The following TRHDE variants were observed in gnomAD, a reference collection of about 807,000 sequenced individuals.
The protein encoded by TRHDE is thyrotropin-releasing hormone-degrading ectoenzyme.
Under a neutral mutation model 125.7 loss-of-function variants are expected in TRHDE, and 72 were observed. That is an observed-to-expected ratio of 0.57 (90% CI 0.47 to 0.70). TRHDE has a LOEUF of 0.70. Ranked by LOEUF, TRHDE falls within the 30% of genes least tolerant of loss-of-function variation. TRHDE has a pLI of 0.00. For missense variants in TRHDE, 1,110 were observed against 1,327.1 expected, an observed-to-expected ratio of 0.84 and a Z score of 2.54; for synonymous variants, 509 against 509.1, an observed-to-expected ratio of 1.00 and a Z score of 0.00.
intron 6 of TRHDE, among the ~76,000 whole-genome samples, chr12:72,518,654 T>G (rs1879010626): frequency 1.3e-5 from 2 of 152,000 alleles, no homozygotes; most frequent in South Asian, 2.1e-4. Context: ...CATTTAAAGT[T>G]AATATTGTTA....
rs11179247 is a variant in TRHDE at position 72,553,808 on chromosome 12, G to A, written c.1789-8357G>A. Among the ~76,000 whole-genome samples, 2,785 of 135,610 alleles carry A rather than the reference G, an allele frequency of 0.021. 280 individuals are homozygous for A. The East Asian group carries it at 0.31, about 15-fold the overall frequency. 89.0% of individuals were successfully genotyped at this position (135,610 alleles called of 152,430 possible). ...ATTTTCTTTTCTTTCCTTTCCTTTC[G>A]TCTCCTCTCCTCTCCTCTTCTCTGT... On this transcript the variant is annotated intron_variant, in intron 7 of 18. Coordinates refer to ENST00000261180, the MANE Select transcript of TRHDE (RefSeq NM_013381.3).
chr12:72,224,137 T>A (rs1592490308), intron 2 of TRHDE, among the ~76,000 whole-genome samples: 1 of 38,708 alleles, frequency 2.6e-5, no homozygotes, highest in East Asian at 4.8e-4. Context: ...TATCTATCTA[T>A]CTATTTATCT....
intron 9 of TRHDE, among the ~76,000 whole-genome samples, chr12:72,563,698 G>A (rs1870293773): frequency 6.8e-6 from 1 of 146,826 alleles, no homozygotes; most frequent in Admixed American, 7.0e-5. Flanking sequence ...TCTATTTTGT[G>A]TCTGATTAAA....
At chr12:72,399,377 C>G (rs979220523) in intron 3 of TRHDE, among the ~76,000 whole-genome samples, 2 of 152,090 alleles carry the variant, frequency 1.3e-5, no homozygotes, top group African/African-American at 4.8e-5. Context: ...AAGTACTAAC[C>G]ATTTTATCCA....
At chr12:72,302,269 T>C (rs1236337743) in intron 2 of TRHDE, among the ~76,000 whole-genome samples, 2 of 140,774 alleles carry the variant, frequency 1.4e-5, no homozygotes, top group African/African-American at 2.6e-5. Context: ...TGTGTGTGTG[T>C]GCATGTGTGT....
chr12:72,554,755 A>G (rs1869840545), intron 7 of TRHDE, among the ~76,000 whole-genome samples: 1 of 152,212 alleles, frequency 6.6e-6, no homozygotes, highest in South Asian at 2.1e-4. Flanking sequence ...AATATTTCAT[A>G]CCAGCAGCAA....
chr12:72,181,635 G>A (rs1171657803), intron 2 of TRHDE, among the ~76,000 whole-genome samples: 1 of 152,042 alleles, frequency 6.6e-6, no homozygotes, highest in Non-Finnish European at 1.5e-5. Context: ...TAGTATACTG[G>A]AGAATATTAT....
At chr12:72,530,019 A>C (rs974283969) in intron 6 of TRHDE, among the ~76,000 whole-genome samples, 2 of 151,816 alleles carry the variant, frequency 1.3e-5, no homozygotes, top group African/African-American at 2.4e-5. Context: ...TCTGTACCGG[A>C]CTCCATCCTC....
intron 4 of TRHDE, among the ~76,000 whole-genome samples, chr12:72,470,712 C>G (rs1366036419): frequency 6.6e-6 from 1 of 151,886 alleles, no homozygotes; most frequent in African/African-American, 2.4e-5. Flanking sequence ...ATTATAAAAC[C>G]CACACCTTGT....
intron 2 of TRHDE, among the ~76,000 whole-genome samples, chr12:72,240,305 T>TATATA (rs1555170388): frequency 9.0e-6 from 1 of 111,362 alleles, no homozygotes; most frequent in African/African-American, 2.7e-5. Flanking sequence ...TTCTCACATT[T>TATATA]TATATATATA....
upstream of TRHDE, among the ~76,000 whole-genome samples, chr12:72,271,583 T>C (rs1194055783): frequency 6.6e-6 from 1 of 152,144 alleles, no homozygotes; most frequent in Non-Finnish European, 1.5e-5. Flanking sequence ...AGTGCCTGCC[T>C]CTGCCGCTCA....
intron 5 of TRHDE, among the ~76,000 whole-genome samples, chr12:72,479,305 T>C (rs1165928854): frequency 6.6e-6 from 1 of 152,128 alleles, no homozygotes; most frequent in East Asian, 1.9e-4. Context: ...ATCAAGACTT[T>C]GGATTCACAG....
At chr12:72,639,409 A>T (rs1019928903) in intron 15 of TRHDE, among the ~76,000 whole-genome samples, 29 of 152,020 alleles carry the variant, frequency 1.9e-4, no homozygotes, top group African/African-American at 7.0e-4. Context: ...CATTCTTCTA[A>T]ACTTTTTTCA....
At chr12:72,585,086 C>A (rs1341919190) in intron 12 of TRHDE, among the ~76,000 whole-genome samples, 1 of 152,138 alleles carries the variant, frequency 6.6e-6, no homozygotes, top group Non-Finnish European at 1.5e-5. Context: ...CCAGTGTATA[C>A]CATGGCTGTT....
intron 1 of TRHDE, among the ~76,000 whole-genome samples, chr12:72,104,626 C>G (rs1875141355): frequency 6.6e-6 from 1 of 152,154 alleles, no homozygotes; most frequent in Non-Finnish European, 1.5e-5. Context: ...ACTTTTGTTG[C>G]TCTTCATTGG....
chr12:72,576,351 G>A (rs965876337), intron 12 of TRHDE, among the ~76,000 whole-genome samples: 2 of 152,058 alleles, frequency 1.3e-5, no homozygotes, highest in African/African-American at 2.4e-5. Flanking sequence ...TAGTAGTGCT[G>A]ATATTAACAC....
Position 72,575,309 on chromosome 12 carries a change from A to G in TRHDE, c.2186A>G (p.Asn729Ser). 1 of 1,613,622 alleles carries G rather than the reference A, an allele frequency of 6.2e-7. No individual in the cohort carries two copies. Among genetic ancestry groups the G allele is most frequent in the Non-Finnish European group, 8.5e-7 (1 of 1,179,732 alleles). ...GGAAGCTGGCTGCTGGGGAACATCA[A>G]TCAAACTGGCTATTTTAGAGTCAAC... The part of the protein sequence containing the change: ...DKGSWLLGNI[N>S]QTGYFRVNYD... Residue 729 changes from asparagine to serine, a missense_variant, in exon 11 of 19, where the codon AAT (asparagine) becomes AGT (serine). Coordinates refer to ENST00000261180, the MANE Select transcript of TRHDE (RefSeq NM_013381.3).
At chr12:72,479,983 G>T (rs1877089577) in intron 5 of TRHDE, among the ~76,000 whole-genome samples, 1 of 151,492 alleles carries the variant, frequency 6.6e-6, no homozygotes. Flanking sequence ...CCCTACAAAG[G>T]ACATGAACTC....
upstream of TRHDE, among the ~76,000 whole-genome samples, chr12:72,268,181 T>C (rs1200739435): frequency 2.0e-5 from 3 of 152,132 alleles, no homozygotes; most frequent in Non-Finnish European, 4.4e-5. Context: ...TGGTCTCCAG[T>C]TGAGGGAGGT....
Sources: allele counts gnomAD v4.1 joint callset (sites outside exome capture counted in the v4.1 genomes callset), GRCh38; gene constraint gnomAD v4.1.1; transcripts MANE v1.5; gene names NCBI Gene and HGNC (gene_info 2026-07-23, HGNC 2026-07-21).